Variants in CCDC15 observed in about 807,000 individuals in gnomAD.
The protein encoded by CCDC15 is coiled-coil domain containing 15.
CCDC15 carries 105 observed loss-of-function variants against 114.5 expected under a neutral mutation model. The ratio of observed to expected loss-of-function variants is 0.92; its 90% confidence interval spans 0.78 to 1.08. CCDC15 has a LOEUF of 1.08. CCDC15 is among the 50% of genes least tolerant of loss of function. The probability of loss-of-function intolerance (pLI) is 0.00; values close to 1 mark genes in which losing one functional copy is unlikely to be tolerated. For missense variants in CCDC15, 1,105 were observed against 1,093.6 expected (o/e 1.01, Z -0.15); for synonymous variants, 334 against 377.8 (o/e 0.88, Z 1.34).
chr11:124,988,164 A>G (rs1591592810), intron 8 of CCDC15, 30 bp downstream of exon 8: 3 of 1,576,364 alleles, frequency 1.9e-6, no homozygotes, highest in African/African-American at 1.4e-5. Context: ...AGATACAAAA[A>G]GAAGAAATAA....
intron 4 of CCDC15, among the ~76,000 whole-genome samples, chr11:124,962,661 T>A (rs905639126): frequency 2.1e-5 from 3 of 146,214 alleles, no homozygotes; most frequent in Non-Finnish European, 4.5e-5. Context: ...TTTTTTTTTT[T>A]ATTATACTTT....
Position 124,967,635 on chromosome 11 carries a change from A to G in CCDC15, c.517-7461A>G, listed in dbSNP as rs190876006. ...TGACCTTCTGAAGCCTACTTCTGCC[A>G]ACTAGTCAAAGTCATTCTCCATCCA... On this transcript the variant is annotated intron_variant, in intron 4 of 15. Coordinates refer to ENST00000344762, the MANE Select transcript of CCDC15 (RefSeq NM_025004.3). 8.5e-4 allele frequency among the ~76,000 whole-genome samples: 129 copies of G among 152,348 alleles called. 2 individuals are homozygous for G. In the East Asian group the frequency reaches 0.023, roughly 27 times the overall value.
In CCDC15 at chr11:124,964,461, G is replaced by A. The variant is rs187177314; in HGVS notation, c.516+4458G>A. On this transcript the variant is annotated intron_variant, in intron 4 of 15. Coordinates refer to ENST00000344762, the MANE Select transcript of CCDC15 (RefSeq NM_025004.3). Reference sequence around the variant, plus strand: ...GCTGTTTGTCTGTTATTGGTGTGTCGGAATACTTGTGATTTTTGCACATTG... The same window carrying A: ...GCTGTTTGTCTGTTATTGGTGTGTCAGAATACTTGTGATTTTTGCACATTG... Among the ~76,000 whole-genome samples the A allele has an allele frequency of 3.7e-4, 56 of 152,128 alleles. No individual in the cohort carries two copies. In the East Asian group the frequency reaches 9.3e-3, roughly 25 times the overall value.
At chr11:125,023,987 A>ACTTTTCTATC (rs1948678733) in intron 13 of CCDC15, among the ~76,000 whole-genome samples, 1 of 152,028 alleles carries the variant, frequency 6.6e-6, no homozygotes, top group African/African-American at 2.4e-5. Context: ...GTGACTGCTA[A>ACTTTTCTATC]TAAGTATAAG....
At chr11:124,982,756 C>T (rs181748364) in intron 6 of CCDC15, among the ~76,000 whole-genome samples, 49 of 152,234 alleles carry the variant, frequency 3.2e-4, no homozygotes, top group Non-Finnish European at 4.9e-4. Flanking sequence ...AATCTAAGAA[C>T]TGTGTGGTTG....
chr11:125,016,649 T>C (rs1948630989), intron 13 of CCDC15, among the ~76,000 whole-genome samples: 1 of 152,204 alleles, frequency 6.6e-6, no homozygotes, highest in Non-Finnish European at 1.5e-5. Context: ...AGTTCTGTAT[T>C]GCTCATATGT....
chr11:124,987,087 T>A, intron 7 of CCDC15, 40 bp from the exon 8 acceptor site: 1 of 1,454,218 alleles, frequency 6.9e-7, no homozygotes, highest in Non-Finnish European at 9.1e-7. Context: ...GTATTGCTAC[T>A]AACTCACATT....
intron 13 of CCDC15, among the ~76,000 whole-genome samples, chr11:125,027,019 A>G (rs1361221760): frequency 6.6e-6 from 1 of 152,196 alleles, no homozygotes; most frequent in African/African-American, 2.4e-5. Flanking sequence ...TACTTCACTT[A>G]GAATAATAGC....
chr11:124,961,563 A>T (rs769714071), intron 4 of CCDC15, among the ~76,000 whole-genome samples: 33 of 152,190 alleles, frequency 2.2e-4, no homozygotes, highest in Admixed American at 1.7e-3. Flanking sequence ...TCTGTTGCCC[A>T]TGCTGTAGTG....
chr11:124,999,118 T>C (rs1948429196), intron 11 of CCDC15, among the ~76,000 whole-genome samples: 1 of 152,170 alleles, frequency 6.6e-6, no homozygotes, highest in South Asian at 2.1e-4. Context: ...CAGTCTTCGA[T>C]AGCAAATTTG....
chr11:125,040,521 T>C, intron 15 of CCDC15, 69 bp from the exon 16 acceptor site: 2 of 1,463,364 alleles, frequency 1.4e-6, no homozygotes, highest in Non-Finnish European at 9.2e-7. Flanking sequence ...GCAGTACTAA[T>C]AAGATAGAGG....
At chr11:124,986,706 C>CGT (rs1443279295) in intron 6 of CCDC15, 36 bp from the exon 7 acceptor site, 1 of 1,386,134 alleles carries the variant, frequency 7.2e-7, no homozygotes, top group Non-Finnish European at 9.6e-7. Context: ...TGTGTGCGCG[C>CGT]GCGCGCGTGC....
chr11:125,026,211 T>C (rs907757513), intron 13 of CCDC15, among the ~76,000 whole-genome samples: 6 of 152,200 alleles, frequency 3.9e-5, no homozygotes, highest in African/African-American at 1.4e-4. Flanking sequence ...CTTTCGCCTG[T>C]GGTGGTGAGG....
chr11:124,963,474 C>G (rs1352928433), intron 4 of CCDC15, among the ~76,000 whole-genome samples: 2 of 152,186 alleles, frequency 1.3e-5, no homozygotes, highest in African/African-American at 4.8e-5. Context: ...CCTTTGCCCA[C>G]TTTTTGATGG....
chr11:124,959,790 T>C (rs1235644243), intron 3 of CCDC15, 25 bp from the exon 4 acceptor site: 3 of 1,537,058 alleles, frequency 2.0e-6, no homozygotes, highest in East Asian at 2.3e-5. Context: ...AGAATGTTAC[T>C]ATCCCCCTTT....
chr11:124,988,721 C>T (rs935985905), intron 8 of CCDC15, among the ~76,000 whole-genome samples: 1 of 152,202 alleles, frequency 6.6e-6, no homozygotes, highest in Non-Finnish European at 1.5e-5. Flanking sequence ...ATATTCTAAA[C>T]CCTTTGTTGT....
chr11:124,963,981 G>C (rs978534412), intron 4 of CCDC15, among the ~76,000 whole-genome samples: 16 of 152,152 alleles, frequency 1.1e-4, no homozygotes, highest in African/African-American at 3.9e-4. Context: ...TGAGGCCTCT[G>C]TTCTGTTCCA....
At chr11:125,024,459 T>C (rs1289607714) in intron 13 of CCDC15, among the ~76,000 whole-genome samples, 1 of 152,108 alleles carries the variant, frequency 6.6e-6, no homozygotes, top group African/African-American at 2.4e-5. Flanking sequence ...CCATTAACAT[T>C]TATATAGACC....
At chr11:124,970,040 GAC>G (rs1426958666) in intron 4 of CCDC15, among the ~76,000 whole-genome samples, 1 of 152,168 alleles carries the variant, frequency 6.6e-6, no homozygotes, top group Non-Finnish European at 1.5e-5. Context: ...CTAAAACTGA[GAC>G]AGTTCTAGGT....
Sources: gnomAD v4.1 joint callset for allele counts (sites outside exome capture counted in the v4.1 genomes callset) on GRCh38, gnomAD v4.1.1 for gene constraint, MANE v1.5 for transcripts, NCBI Gene and HGNC (gene_info 2026-07-23, HGNC 2026-07-21) for gene names.